The following LILRB1 variants were observed in gnomAD, a reference collection of about 807,000 sequenced individuals.
LILRB1 encodes the protein leukocyte immunoglobulin like receptor B1.
Under a neutral mutation model 74.6 loss-of-function variants are expected in LILRB1, and 59 were observed. That is an observed-to-expected ratio of 0.79 (90% CI 0.64 to 0.98). The LOEUF is 0.98. LILRB1 is among the 50% of genes least tolerant of loss of function. The pLI is 0.00. For missense variants in LILRB1, 804 were observed against 822.6 expected (o/e 0.98, Z 0.28); for synonymous variants, 328 against 333.9 (o/e 0.98, Z 0.19).
intron 1 of LILRB1, among the ~76,000 whole-genome samples, chr19:54,619,331 T>C (rs1344141735): frequency 2.0e-5 from 3 of 152,056 alleles, no homozygotes; most frequent in African/African-American, 4.8e-5. Context: ...CAATAAGACT[T>C]TTTTTAAAAA....
chr19:54,636,430 A>G lies in LILRB1; in HGVS notation c.1654-64A>G, dbSNP rs148501639. 1,172 of 1,581,164 alleles carry G rather than the reference A, an allele frequency of 7.4e-4. 2 individuals are homozygous for G. The African/African-American group carries it at 9.0e-3, about 12-fold the overall frequency. Reference sequence around the variant, plus strand: ...TAATCGGATCACCCGGGGAACAGTGAGGAAAATTGACTCCAGGGGGTCAGG... The same window carrying G: ...TAATCGGATCACCCGGGGAACAGTGGGGAAAATTGACTCCAGGGGGTCAGG... On this transcript the variant is annotated intron_variant, in intron 13 of 14. Transcript: ENST00000324602.
At chr19:54,617,717 CT>C (rs1419679285) in intron 1 of LILRB1, among the ~76,000 whole-genome samples, 1 of 151,982 alleles carries the variant, frequency 6.6e-6, no homozygotes, top group African/African-American at 2.4e-5. Context: ...GTAAGTTTTG[CT>C]GATTTTTTCT....
At chr19:54,626,089 G>A (rs542734047), upstream of LILRB1, among the ~76,000 whole-genome samples, 1 of 152,190 alleles carries the variant, frequency 6.6e-6, no homozygotes, top group Non-Finnish European at 1.5e-5. Context: ...TGACCTGTTG[G>A]TATTTACTCA....
chr19:54,626,054 C>T (rs534402875), upstream of LILRB1, among the ~76,000 whole-genome samples: 57 of 152,192 alleles, frequency 3.7e-4, no homozygotes, highest in Admixed American at 1.6e-3. Flanking sequence ...CAGGTGAACC[C>T]CAGCATCCTC....
upstream of LILRB1, among the ~76,000 whole-genome samples, chr19:54,626,689 T>A (rs2063598713): frequency 6.6e-6 from 1 of 152,226 alleles, no homozygotes; most frequent in African/African-American, 2.4e-5. Context: ...ATTTCTATAA[T>A]TGCCTGTTTT....
At chr19:54,635,691 C>T (rs1321391782) in intron 13 of LILRB1, 82 bp downstream of exon 13, 4 of 1,503,000 alleles carry the variant, frequency 2.7e-6, no homozygotes, top group Middle Eastern at 2.1e-4. Flanking sequence ...TCCTCCTTCC[C>T]CCGGCTCTCA....
At position 54,634,731 on chromosome 19, in the gene LILRB1, G is replaced by A. The variant is rs766685091; in HGVS notation, c.1454G>A (p.Arg485Gln). The A allele has an allele frequency of 1.7e-5, 27 of 1,613,858 alleles. No individual in the cohort carries two copies. Among genetic ancestry groups the A allele is most frequent in the Admixed American group, 1.0e-4 (6 of 59,988 alleles). The change falls in exon 10 of 15, where the codon CGA (arginine) becomes CAA (glutamine). Residue 485 changes from arginine to glutamine, a missense_variant. Physicochemically the swap from Arg to Gln is conservative, Grantham distance 43. Transcript: ENST00000324602. ...LLLLLLFLIL[R>Q]HRRQGKHWTS... is the part of the protein sequence containing the mutation. Reference sequence around the variant, plus strand: ...CTCCTCCTCCTCTTCCTCATCCTCCGACATCGACGTCAGGGCAAACACTGG... The same window carrying A: ...CTCCTCCTCCTCTTCCTCATCCTCCAACATCGACGTCAGGGCAAACACTGG...
intron 1 of LILRB1, among the ~76,000 whole-genome samples, chr19:54,621,797 C>T (rs79707451): frequency 0.033 from 5,044 of 152,092 alleles, 106 homozygotes; most frequent in South Asian, 0.054. Context: ...CTAAATTTTG[C>T]TTTAGGAATT....
chr19:54,627,755 A>G (rs1383122660), upstream of LILRB1, among the ~76,000 whole-genome samples: 1 of 152,132 alleles, frequency 6.6e-6, no homozygotes, highest in East Asian at 1.9e-4. Flanking sequence ...AGCTCTCTCT[A>G]TGGTGCTTTT....
At chr19:54,618,643 A>G (rs866226415) in intron 1 of LILRB1, among the ~76,000 whole-genome samples, 1 of 152,190 alleles carries the variant, frequency 6.6e-6, no homozygotes. Flanking sequence ...AAAATTATAA[A>G]CCCAGCCCAA....
chr19:54,630,777 C>A (rs910608899), intron 1 of LILRB1, 144 bp downstream of exon 1: 11 of 736,682 alleles, frequency 1.5e-5, no homozygotes, highest in Non-Finnish European at 2.4e-5. Context: ...TTTGCTGCTA[C>A]ATCCTGGCTC....
intron 9 of LILRB1, chr19:54,634,419 T>G (rs4021202): frequency 1.3e-6 from 2 of 1,511,392 alleles, no homozygotes; most frequent in African/African-American, 2.8e-5. Context: ...CTCCTGGGCT[T>G]CCTTCCCAGC....
chr19:54,635,510 C>A (rs893884985), intron 12 of LILRB1, 47 bp from the exon 13 acceptor site: 2 of 1,586,986 alleles, frequency 1.3e-6, no homozygotes, highest in Non-Finnish European at 1.7e-6. Context: ...ACTCAGAGGT[C>A]CCAGGGAACC....
chr19:54,625,810 ACC>A (rs2146196982), upstream of LILRB1, among the ~76,000 whole-genome samples: 1 of 138,554 alleles, frequency 7.2e-6, no homozygotes, highest in South Asian at 2.3e-4. Flanking sequence ...CGTGTTAGGG[ACC>A]CTCTCACTCA....
chr19:54,633,400 G>C, intron 7 of LILRB1, 82 bp downstream of exon 7: 2 of 1,523,856 alleles, frequency 1.3e-6, no homozygotes, highest in African/African-American at 2.8e-5. Flanking sequence ...CTGGGATGGA[G>C]TGAGCGGGGG....
At position 54,636,947 on chromosome 19, in the gene LILRB1, C is replaced by G; in HGVS notation, c.*69C>G. 6.3e-7 allele frequency: 1 copy of G among 1,590,064 alleles called. No homozygotes were observed. Among genetic ancestry groups the G allele is most frequent in the Non-Finnish European group, 8.6e-7 (1 of 1,163,198 alleles). On this transcript the variant is annotated 3_prime_UTR_variant, in exon 15 of 15. Coordinates refer to ENST00000324602, the MANE Select transcript of LILRB1 (RefSeq NM_001081637.3). ...GCATGGGAGCTGCCCCCCCAGTGGA[C>G]ACCATTGGACCCCACCCAGCCTGGA...
chr19:54,636,142 G>A (rs188732935), intron 13 of LILRB1: 11,647 of 558,002 alleles, frequency 0.021, 244 homozygotes, highest in South Asian at 0.026. Context: ...CTGAATGGAA[G>A]GGGAGGGCTG....
upstream of LILRB1, among the ~76,000 whole-genome samples, chr19:54,626,047 G>T (rs1421669633): frequency 6.6e-6 from 1 of 152,100 alleles, no homozygotes; most frequent in East Asian, 1.9e-4. Context: ...TGTTTCTCAG[G>T]TGAACCCCAG....
intron 9 of LILRB1, chr19:54,634,323 GAA>G: frequency 6.5e-7 from 1 of 1,540,634 alleles, no homozygotes. Context: ...GGGGAGGGGA[GAA>G]GAGTCATGGT....
Sources: allele counts gnomAD v4.1 joint callset (sites outside exome capture counted in the v4.1 genomes callset), GRCh38; gene constraint gnomAD v4.1.1; transcripts MANE v1.5; gene names NCBI Gene and HGNC (gene_info 2026-07-23, HGNC 2026-07-21).